NCOA1: variants seen among roughly 807,000 people sequenced by gnomAD.
NCOA1 encodes nuclear receptor coactivator 1, also known as Hin-2 protein.
A neutral mutation model predicts 150.9 loss-of-function variants in NCOA1; 35 were observed. The observed-to-expected ratio is 0.23, with a 90% confidence interval of 0.18 to 0.31. The LOEUF is 0.31. NCOA1 is among the 10% of genes least tolerant of loss of function. The pLI, the probability that NCOA1 is intolerant of heterozygous loss-of-function variation, is 1.00. For missense variants in NCOA1, 1,491 were observed against 1,749.3 expected, an observed-to-expected ratio of 0.85 and a Z score of 2.63; for synonymous variants, 590 against 630.0, an observed-to-expected ratio of 0.94 and a Z score of 0.95.
chr2:24,691,779 A>G, intron 9 of NCOA1, 119 bp downstream of exon 9: 1 of 924,598 alleles, frequency 1.1e-6, no homozygotes, highest in Non-Finnish European at 1.6e-6. Context: ...AATATGTATC[A>G]TAGTGGCTAT....
intron 3 of NCOA1, among the ~76,000 whole-genome samples, chr2:24,629,817 C>CATATATATATATATAT (rs57598398): frequency 1.6e-3 from 124 of 79,310 alleles, no homozygotes; most frequent in African/African-American, 5.0e-3. Flanking sequence ...AACATACATA[C>CATATATATATATATAT]ATATATATAT....
intron 1 of NCOA1, among the ~76,000 whole-genome samples, chr2:24,536,202 A>T (rs184314916): frequency 1.3e-5 from 2 of 152,000 alleles, no homozygotes; most frequent in Admixed American, 6.6e-5. Context: ...CATTAATTTG[A>T]TCTTCAATCA....
At chr2:24,623,955 T>C (rs1475340257) in intron 3 of NCOA1, among the ~76,000 whole-genome samples, 1 of 152,184 alleles carries the variant, frequency 6.6e-6, no homozygotes, top group Non-Finnish European at 1.5e-5. Context: ...CACAATTCAG[T>C]CTATAACAGA....
chr2:24,494,013 A>G (rs1232914412), intron 1 of NCOA1, among the ~76,000 whole-genome samples: 1 of 152,074 alleles, frequency 6.6e-6, no homozygotes, highest in Non-Finnish European at 1.5e-5. Flanking sequence ...TCATGCTTTT[A>G]CTCTATAGGG....
chr2:24,534,491 G>A (rs576222858), intron 1 of NCOA1, among the ~76,000 whole-genome samples: 24 of 151,400 alleles, frequency 1.6e-4, no homozygotes, highest in African/African-American at 5.6e-4. Flanking sequence ...TCTTCTGCTA[G>A]CTTTTGAATT....
At position 24,707,155 on chromosome 2, in the gene NCOA1, G is replaced by A. The variant is rs1212425508; in HGVS notation, c.1685G>A (p.Arg562Lys). The A allele has an allele frequency of 1.9e-6, 3 of 1,614,052 alleles. No homozygotes were observed. The highest frequency in any genetic ancestry group is 3.3e-5 in the Admixed American group (2 of 60,004). ...TTCTCTGCCAGTTCTCCAGTCCTCAGGCAGATGAGCTCACAGAATTCACCT... is the reference window on the plus strand; with the variant it reads ...TTCTCTGCCAGTTCTCCAGTCCTCAAGCAGATGAGCTCACAGAATTCACCT... ...VGFSASSPVL[R>K]QMSSQNSPSR... is the part of the protein sequence containing the mutation. Residue 562 changes from arginine (R) to lysine (K), a missense_variant, in exon 13 of 23, where the codon AGG becomes AAG. Arg to Lys is a conservative substitution (Grantham distance 26). This residue lies in a region of NCOA1 where 703 missense variants were observed against 717.7 expected (regional missense o/e 0.98). Coordinates refer to ENST00000348332, the MANE Select transcript of NCOA1 (RefSeq NM_003743.5).
At chr2:24,695,283 A>G (rs887966595) in intron 10 of NCOA1, among the ~76,000 whole-genome samples, 15 of 152,222 alleles carry the variant, frequency 9.9e-5, no homozygotes, top group African/African-American at 3.4e-4. Flanking sequence ...AAATAACTAT[A>G]TATATATAGA....
chr2:24,494,142 G>T (rs1663096482), intron 1 of NCOA1, among the ~76,000 whole-genome samples: 5 of 152,220 alleles, frequency 3.3e-5, no homozygotes, highest in Admixed American at 2.0e-4. Context: ...TAAATGTTGA[G>T]TAAGTGATGA....
In NCOA1 at chr2:24,658,646, G is replaced by T. The variant is rs762778310; in HGVS notation, c.-17-15G>T. 5 of 1,587,298 alleles carry T rather than the reference G, an allele frequency of 3.2e-6. No individual in the cohort carries two copies. Among genetic ancestry groups the T allele is most frequent in the Admixed American group, 1.7e-5 (1 of 59,926 alleles). ...TCATAAGGGTAGATTTCTTACTGTT[G>T]TCCTTCCTGTTTAGGTGTGAAGTTT... On this transcript the variant is annotated splice_polypyrimidine_tract_variant and intron_variant, in intron 4 of 22. Coordinates refer to ENST00000348332, the MANE Select transcript of NCOA1 (RefSeq NM_003743.5).
intron 2 of NCOA1, among the ~76,000 whole-genome samples, chr2:24,581,961 C>T (rs1236697204): frequency 3.3e-5 from 5 of 152,094 alleles, no homozygotes; most frequent in Non-Finnish European, 7.4e-5. Context: ...TATCTCAATA[C>T]AGTTAAAGGC....
chr2:24,604,929 G>A (rs1668290913), intron 3 of NCOA1, among the ~76,000 whole-genome samples: 1 of 152,184 alleles, frequency 6.6e-6, no homozygotes, highest in Non-Finnish European at 1.5e-5. Flanking sequence ...TGAGAGACAT[G>A]TGACTCTTTC....
chr2:24,518,781 C>T (rs1345595555), intron 1 of NCOA1, among the ~76,000 whole-genome samples: 1 of 152,116 alleles, frequency 6.6e-6, no homozygotes, highest in Non-Finnish European at 1.5e-5. Flanking sequence ...ATGTTTAAGA[C>T]TTGTACACTG....
At chr2:24,762,886 G>C in intron 22 of NCOA1, 110 bp downstream of exon 22, 1 of 915,368 alleles carries the variant, frequency 1.1e-6, no homozygotes, top group Non-Finnish European at 1.8e-6. Context: ...CTGGGTGTGA[G>C]TCCTGGCTCT....
rs1227530108 is a variant in NCOA1 at position 24,727,587 on chromosome 2, TA to T, written c.2718-719del. Reference sequence around the variant, plus strand: ...TAGTATTGATTGTGGTTTAGCGCCTTAACTATGAACTGTATTCCCATTTACC... The same window carrying T: ...TAGTATTGATTGTGGTTTAGCGCCTTACTATGAACTGTATTCCCATTTACC... On this transcript the variant is annotated intron_variant, in intron 15 of 22. Transcript: ENST00000348332. Among the ~76,000 whole-genome samples the T allele has an allele frequency of 3.3e-5, 5 of 152,344 alleles. No individual in the cohort carries two copies. In the South Asian group the frequency reaches 8.3e-4, roughly 25 times the overall value.
intron 19 of NCOA1, among the ~76,000 whole-genome samples, chr2:24,751,074 GC>G (rs1664208362): frequency 6.7e-6 from 1 of 148,692 alleles, no homozygotes. Context: ...TGCAACCTCT[GC>G]CTCCCAGGTT....
chr2:24,710,969 C>G lies in NCOA1; in HGVS notation c.2457C>G (p.Pro819=). The G allele has an allele frequency of 1.2e-6, 2 of 1,614,062 alleles. No individual in the cohort carries two copies. The highest frequency in any genetic ancestry group is 1.1e-5 in the South Asian group (1 of 91,066). Residue 819 remains proline, a synonymous_variant, in exon 14 of 23, where the codon CCC becomes CCG. Transcript: ENST00000348332. Reference sequence around the variant, plus strand: ...TTGACCAGTTTGATCAGTTACTGCCCACGCTGGAGAAGGCAGCACAGTTGC... The same window carrying G: ...TTGACCAGTTTGATCAGTTACTGCCGACGCTGGAGAAGGCAGCACAGTTGC... ...ADLDQFDQLL[P]TLEKAAQLPG... is the part of the protein sequence containing the mutation.
chr2:24,613,969 T>C, intron 3 of NCOA1, among the ~76,000 whole-genome samples: 1 of 152,096 alleles, frequency 6.6e-6, no homozygotes, highest in East Asian at 1.9e-4. Context: ...AGGTTTTCTT[T>C]GATGTTTGCC....
intron 1 of NCOA1, among the ~76,000 whole-genome samples, chr2:24,537,660 T>A (rs1477802657): frequency 6.6e-6 from 1 of 152,094 alleles, no homozygotes; most frequent in Non-Finnish European, 1.5e-5. Context: ...AGATATCTGA[T>A]GAACAACGCA....
chr2:24,630,003 C>G (rs1572514356), intron 3 of NCOA1, among the ~76,000 whole-genome samples: 1 of 151,514 alleles, frequency 6.6e-6, no homozygotes, highest in East Asian at 1.9e-4. Flanking sequence ...GCCATCACGC[C>G]CGGCTAATTG....
Sources: allele counts gnomAD v4.1 joint callset (sites outside exome capture counted in the v4.1 genomes callset), GRCh38; gene constraint gnomAD v4.1.1; regional missense constraint gnomAD v4.1.1; transcripts MANE v1.5; gene names NCBI Gene and HGNC (gene_info 2026-07-23, HGNC 2026-07-21).